DOCK1: variants seen among roughly 807,000 people sequenced by gnomAD.
The protein encoded by DOCK1 is dedicator of cytokinesis 1, also known as dedicator of cytokinesis protein 1.
DOCK1 carries 138 observed loss-of-function variants against 262.7 expected under a neutral mutation model. The observed-to-expected ratio is 0.53, with a 90% confidence interval of 0.46 to 0.61. The LOEUF (loss-of-function observed/expected upper bound fraction) is 0.61. Ranked by LOEUF, DOCK1 falls within the 20% of genes least tolerant of loss-of-function variation. The pLI is 0.00. For missense variants in DOCK1, 1,908 were observed against 2,370.7 expected (o/e 0.80, Z 4.05); for synonymous variants, 866 against 867.4 (o/e 1.00, Z 0.03).
At chr10:127,238,521 C>T (rs202050393) in intron 27 of DOCK1, among the ~76,000 whole-genome samples, 1 of 152,166 alleles carries the variant, frequency 6.6e-6, no homozygotes, top group Non-Finnish European at 1.5e-5. Flanking sequence ...CATAGTCTTC[C>T]GTAGGTCACA....
chr10:127,285,086 CGT>C (rs1564964268), intron 29 of DOCK1, among the ~76,000 whole-genome samples: 3 of 151,088 alleles, frequency 2.0e-5, no homozygotes, highest in Non-Finnish European at 4.4e-5. Context: ...TGCAGTGAGT[CGT>C]GATCGTGCCA....
intron 27 of DOCK1, among the ~76,000 whole-genome samples, chr10:127,160,820 A>C (rs1042376086): frequency 3.3e-5 from 5 of 152,068 alleles, no homozygotes; most frequent in African/African-American, 1.2e-4. Context: ...TTGTTCTTTC[A>C]GTTTTCTTAC....
At chr10:127,398,108 C>G (rs2067020971) in intron 38 of DOCK1, among the ~76,000 whole-genome samples, 1 of 152,176 alleles carries the variant, frequency 6.6e-6, no homozygotes, top group South Asian at 2.1e-4. Context: ...ATCATTACTG[C>G]AAGATCAGTC....
At chr10:126,970,127 G>A (rs1475790310) in intron 1 of DOCK1, among the ~76,000 whole-genome samples, 6 of 152,044 alleles carry the variant, frequency 3.9e-5, no homozygotes, top group Admixed American at 3.9e-4. Flanking sequence ...GAATTTAATG[G>A]TGTGACTTTT....
chr10:127,287,003 G>A (rs2061179836), intron 29 of DOCK1, among the ~76,000 whole-genome samples: 1 of 151,694 alleles, frequency 6.6e-6, no homozygotes, highest in South Asian at 2.1e-4. Flanking sequence ...AGCCTCCTGG[G>A]TTCATGCCGT....
At chr10:127,284,821 C>T (rs2061089642) in intron 29 of DOCK1, among the ~76,000 whole-genome samples, 1 of 152,098 alleles carries the variant, frequency 6.6e-6, no homozygotes, top group Non-Finnish European at 1.5e-5. Flanking sequence ...ATTACCATTT[C>T]TTTATGGTGT....
At chr10:127,328,365 G>A (rs1472587352) in intron 29 of DOCK1, among the ~76,000 whole-genome samples, 1 of 152,180 alleles carries the variant, frequency 6.6e-6, no homozygotes, top group Non-Finnish European at 1.5e-5. Context: ...TTTGCTCAAG[G>A]CCTCTGACTA....
At chr10:127,382,785 C>T (rs534799222) in intron 37 of DOCK1, among the ~76,000 whole-genome samples, 27 of 152,192 alleles carry the variant, frequency 1.8e-4, no homozygotes, top group Non-Finnish European at 2.9e-4. Flanking sequence ...CTTTTATATG[C>T]ATGTGTGAAT....
intron 1 of DOCK1, among the ~76,000 whole-genome samples, chr10:126,910,383 C>T (rs533640984): frequency 1.3e-5 from 2 of 152,346 alleles, no homozygotes; most frequent in Admixed American, 6.5e-5. Flanking sequence ...AAATAGGCCA[C>T]GTGGTGTCCT....
chr10:127,250,740 C>T (rs1034613679), intron 28 of DOCK1, among the ~76,000 whole-genome samples: 20 of 123,904 alleles, frequency 1.6e-4, no homozygotes, highest in Admixed American at 6.7e-4. Context: ...TGCAGTGAGC[C>T]GAGATCGGGC....
Position 127,374,147 on chromosome 10 carries a change from T to G in DOCK1, c.3608T>G (p.Leu1203Trp). Residue 1203 changes from leucine to tryptophan, a missense_variant, in exon 35 of 52, where the codon TTG (leucine) becomes TGG (tryptophan). Around this residue, in one of 9 missense-constraint regions of DOCK1, gnomAD observed 267 missense variants for 366.3 expected, o/e 0.73. Transcript: ENST00000623213. ...GTTGTGCGCTTAATGGAAAGGCTTTTGGATTATAGAACCATCATGCACGAC... is the reference window on the plus strand; with the variant it reads ...GTTGTGCGCTTAATGGAAAGGCTTTGGGATTATAGAACCATCATGCACGAC... The part of the protein sequence containing the change: ...KLVVRLMERL[L>W]DYRTIMHDEN... 6.2e-7 allele frequency: 1 copy of G among 1,613,894 alleles called. No individual in the cohort carries two copies. Among genetic ancestry groups the G allele is most frequent in the Non-Finnish European group, 8.5e-7 (1 of 1,179,834 alleles).
intron 10 of DOCK1, among the ~76,000 whole-genome samples, chr10:127,004,798 AAG>A (rs2135216933): frequency 1.5e-5 from 2 of 137,558 alleles, no homozygotes; most frequent in East Asian, 5.0e-4. Flanking sequence ...AAAAAGAAAA[AAG>A]TCTTGCACAA....
At chr10:127,226,776 A>G (rs1375363198) in intron 27 of DOCK1, among the ~76,000 whole-genome samples, 1 of 152,000 alleles carries the variant, frequency 6.6e-6, no homozygotes, top group Non-Finnish European at 1.5e-5. Flanking sequence ...CAAACAAAAA[A>G]AAGAGTGGGT....
intron 27 of DOCK1, among the ~76,000 whole-genome samples, chr10:127,191,230 T>C (rs2056736650): frequency 6.6e-6 from 1 of 152,164 alleles, no homozygotes; most frequent in African/African-American, 2.4e-5. Context: ...TGATTCTACC[T>C]GGGAGTCTTT....
chr10:126,929,615 C>G (rs1240070429), intron 1 of DOCK1, among the ~76,000 whole-genome samples: 1 of 151,996 alleles, frequency 6.6e-6, no homozygotes, highest in African/African-American at 2.4e-5. Flanking sequence ...TGGGCTCCAG[C>G]TTCAGATGCA....
rs140224449 is a variant in DOCK1, at chr10:127,032,333, G to A, written c.1912+13G>A. On this transcript the variant is annotated intron_variant, in intron 18 of 51. Transcript: ENST00000623213. ...CTGACTCAGAACGGTGCGTTCGAGA[G>A]GAGAAACACACTCACCCCAGGAGCT... 4 of 1,503,240 alleles carry A rather than the reference G, an allele frequency of 2.7e-6. No homozygotes were observed. Among genetic ancestry groups the A allele is most frequent in the Non-Finnish European group, 3.5e-6 (4 of 1,130,420 alleles). 93.1% of individuals were successfully genotyped at this position (1,503,240 alleles called of 1,614,324 possible).
At chr10:127,349,046 T>G (rs2063765251) in intron 31 of DOCK1, among the ~76,000 whole-genome samples, 1 of 152,152 alleles carries the variant, frequency 6.6e-6, no homozygotes, top group Non-Finnish European at 1.5e-5. Context: ...GCTCACTGTG[T>G]CCCACATGCA....
chr10:127,353,797 G>GTCTTCTCTAATA (rs1375719798), intron 31 of DOCK1, among the ~76,000 whole-genome samples: 1 of 152,196 alleles, frequency 6.6e-6, no homozygotes, highest in Non-Finnish European at 1.5e-5. Flanking sequence ...TAGGGCACCA[G>GTCTTCTCTAATA]AGTCTTCTCT....
At chr10:127,207,935 A>T (rs2057797352) in intron 27 of DOCK1, among the ~76,000 whole-genome samples, 1 of 152,190 alleles carries the variant, frequency 6.6e-6, no homozygotes, top group South Asian at 2.1e-4. Flanking sequence ...TTTAAGAATG[A>T]ATTGATGCGT....
Sources: allele counts gnomAD v4.1 joint callset (sites outside exome capture counted in the v4.1 genomes callset), GRCh38; gene constraint gnomAD v4.1.1; regional missense constraint gnomAD v4.1.1; transcripts MANE v1.5; gene names NCBI Gene and HGNC (gene_info 2026-07-23, HGNC 2026-07-21).